The following PLEKHA8 variants were observed in gnomAD, a reference collection of about 807,000 sequenced individuals.
The protein encoded by PLEKHA8 is pleckstrin homology domain containing A8, also known as pleckstrin homology domain-containing family A member 8.
PLEKHA8 carries 36 observed loss-of-function variants against 68.2 expected under a neutral mutation model. That is an observed-to-expected ratio of 0.53 (90% CI 0.40 to 0.70). The LOEUF is 0.70. PLEKHA8 is among the 30% of genes least tolerant of loss of function. PLEKHA8 has a pLI of 0.00. For missense variants in PLEKHA8, 505 were observed against 615.4 expected, an observed-to-expected ratio of 0.82 and a Z score of 1.90; for synonymous variants, 211 against 216.1, an observed-to-expected ratio of 0.98 and a Z score of 0.20.
At chr7:30,103,798 A>C (rs1342120285) in intron 13 of PLEKHA8, among the ~76,000 whole-genome samples, 1 of 152,252 alleles carries the variant, frequency 6.6e-6, no homozygotes, top group Non-Finnish European at 1.5e-5. Context: ...TGTAAAAGTG[A>C]AAATTTCGGA....
chr7:30,104,641 A>G (rs1795991914), intron 13 of PLEKHA8, among the ~76,000 whole-genome samples: 1 of 148,922 alleles, frequency 6.7e-6, no homozygotes, highest in South Asian at 2.2e-4. Flanking sequence ...AAACTAATTT[A>G]TGGGACAAGA....
At chr7:30,039,398 C>T (rs1791350328) in intron 1 of PLEKHA8, among the ~76,000 whole-genome samples, 1 of 152,010 alleles carries the variant, frequency 6.6e-6, no homozygotes, top group African/African-American at 2.4e-5. Flanking sequence ...GCCTGTAATC[C>T]CCACTACTCA....
intron 13 of PLEKHA8, among the ~76,000 whole-genome samples, chr7:30,118,563 C>G (rs952404208): frequency 1.3e-5 from 2 of 151,826 alleles, no homozygotes; most frequent in African/African-American, 4.8e-5. Flanking sequence ...TCTGTCTTCT[C>G]TCTCTGAGGC....
In PLEKHA8 at chr7:30,064,108, T is replaced by C. The variant is rs576950494; in HGVS notation, c.1300+1366T>C. ...GTGGCTCTCTGGATTCTGCCACTTA[T>C]TAGTGCTCTGCCCTTAGGCAAGTTA... On this transcript the variant is annotated intron_variant, in intron 12 of 13. Coordinates refer to ENST00000449726, the MANE Select transcript of PLEKHA8 (RefSeq NM_001197026.2). 3.3e-5 allele frequency among the ~76,000 whole-genome samples: 5 copies of C among 152,388 alleles called. No individual in the cohort carries two copies. In the East Asian group the frequency reaches 5.8e-4, roughly 18 times the overall value.
rs2128000892 is a variant in PLEKHA8 at position 30,082,633 on chromosome 7, CT to C, written c.*3849del. On this transcript the variant is annotated 3_prime_UTR_variant, in exon 14 of 14. Coordinates refer to ENST00000449726, the MANE Select transcript of PLEKHA8 (RefSeq NM_001197026.2). ...ATTAACAAAAAGTTGATGCTTTTAACTTTATATTTTCAGAAAAGTGTTTTTA... is the reference window on the plus strand; with the variant it reads ...ATTAACAAAAAGTTGATGCTTTTAACTTATATTTTCAGAAAAGTGTTTTTA... 1.0e-6 allele frequency: 1 copy of C among 984,284 alleles called. No homozygotes were observed. Among genetic ancestry groups the C allele is most frequent in the Admixed American group, 6.1e-5 (1 of 16,272 alleles). 61.0% of individuals were successfully genotyped at this position (984,284 alleles called of 1,614,324 possible).
chr7:30,090,440 T>C lies in PLEKHA8; in HGVS notation c.*265T>C, dbSNP rs184246044. The C allele has an allele frequency of 2.1e-4, 76 of 362,720 alleles. 1 individual carries two copies. Among genetic ancestry groups the C allele is most frequent in the African/African-American group, 1.4e-3 (70 of 49,008 alleles). 22.5% of individuals were successfully genotyped at this position (362,720 alleles called of 1,614,324 possible). On this transcript the variant is annotated 3_prime_UTR_variant, in exon 13 of 13. Coordinates refer to the PLEKHA8 transcript ENST00000258679. ...CTCAGAACATAATACCTGAGTGCCTTCTTAAGGAAACCATTTGATAGGAAA... is the reference window on the plus strand; with the variant it reads ...CTCAGAACATAATACCTGAGTGCCTCCTTAAGGAAACCATTTGATAGGAAA...
In PLEKHA8 at chr7:30,082,567, A is replaced by G; in HGVS notation, c.*3780A>G. On this transcript the variant is annotated 3_prime_UTR_variant, in exon 14 of 14. Coordinates refer to ENST00000449726, the MANE Select transcript of PLEKHA8 (RefSeq NM_001197026.2). ...TTATTAGAGGAGTGCAGCGGAAAAA[A>G]ATTTGCACTCTTCTCCTTTTGGTTA... 1.0e-6 allele frequency: 1 copy of G among 985,344 alleles called. No homozygotes were observed. The highest frequency in any genetic ancestry group is 1.2e-6 in the Non-Finnish European group (1 of 829,882). The allele number at this position is 985,344 out of a possible 1,614,324, so 61.0% of individuals were successfully genotyped here. A position where few individuals can be genotyped will look rare whatever the true frequency, so the allele number is the denominator to read the frequency against.
chr7:30,084,754 C>T (rs887836365), downstream of PLEKHA8: 11 of 588,652 alleles, frequency 1.9e-5, no homozygotes, highest in Admixed American at 6.4e-5. Flanking sequence ...CAGTCTAAGC[C>T]GTTTACAAAT....
At chr7:30,129,543 A>C, downstream of PLEKHA8, 1 of 548,990 alleles carries the variant, frequency 1.8e-6, no homozygotes, top group South Asian at 2.4e-5. Context: ...TTCAACATGT[A>C]CACCTGATTT....
At position 30,049,393 on chromosome 7, in the gene PLEKHA8, A is replaced by G; in HGVS notation, c.597+11A>G. 3 of 1,610,768 alleles carry G rather than the reference A, an allele frequency of 1.9e-6. No individual in the cohort carries two copies. The highest frequency in any genetic ancestry group is 2.2e-5 in the East Asian group (1 of 44,784). ...CTCAAGTCCAGCAAGGTAAAAGTCC[A>G]GCTCAGTTTGGCTGCAACAAGGCAT... On this transcript the variant is annotated intron_variant, in intron 5 of 13. Coordinates refer to ENST00000449726, the MANE Select transcript of PLEKHA8 (RefSeq NM_001197026.2).
At chr7:30,073,989 A>T (rs1460551264) in intron 12 of PLEKHA8, 82 bp from the exon 13 acceptor site, 107 of 389,580 alleles carry the variant, frequency 2.7e-4, no homozygotes, top group East Asian at 4.5e-4. Context: ...CTGTCTCTTT[A>T]AAAAAAAAAA....
At chr7:30,055,988 G>A (rs1321987767) in intron 9 of PLEKHA8, among the ~76,000 whole-genome samples, 1 of 149,290 alleles carries the variant, frequency 6.7e-6, no homozygotes, top group Non-Finnish European at 1.5e-5. Context: ...TGTCACCCAG[G>A]CTGCAGTGCA....
intron 13 of PLEKHA8, among the ~76,000 whole-genome samples, chr7:30,107,448 GA>G (rs1200814959): frequency 6.6e-6 from 1 of 151,890 alleles, no homozygotes; most frequent in Non-Finnish European, 1.5e-5. Context: ...ACCTGTTTTG[GA>G]TTCAACAACC....
Position 30,054,809 on chromosome 7 carries a change from C to T in PLEKHA8, c.897C>T (p.Cys299=), listed in dbSNP as rs767075928. The change falls in exon 8 of 14, where the codon TGC becomes TGT. Residue 299 remains cysteine, a synonymous_variant. Transcript: ENST00000449726. ...CAGACTCAAGTTGCTCTCCGGAATG[C>T]CTCTGGGAGGAAGGCAAAGAAGTTA... is the stretch of plus-strand genomic sequence containing the variant. ...SGSDSSCSPE[C]LWEEGKEVIP... 6.2e-7 allele frequency: 1 copy of T among 1,612,184 alleles called. No homozygotes were observed. Among genetic ancestry groups the T allele is most frequent in the Non-Finnish European group, 8.5e-7 (1 of 1,178,856 alleles).
At chr7:30,060,762 A>G in intron 9 of PLEKHA8, 122 bp from the exon 10 acceptor site, 1 of 739,468 alleles carries the variant, frequency 1.4e-6, no homozygotes. Flanking sequence ...TGTTTAGATA[A>G]ATGATTTGGA....
chr7:30,100,176 T>A (rs986477580), intron 13 of PLEKHA8, among the ~76,000 whole-genome samples: 4 of 152,238 alleles, frequency 2.6e-5, no homozygotes, highest in Admixed American at 6.5e-5. Context: ...TAATTCAGTA[T>A]GACCCCATCT....
intron 1 of PLEKHA8, among the ~76,000 whole-genome samples, chr7:30,039,817 T>A (rs148208543): frequency 1.3e-5 from 2 of 152,134 alleles, no homozygotes; most frequent in South Asian, 2.1e-4. Context: ...TTTATTTCAC[T>A]TATTGACTAA....
At chr7:30,100,546 G>C (rs1795812557) in intron 13 of PLEKHA8, among the ~76,000 whole-genome samples, 1 of 151,882 alleles carries the variant, frequency 6.6e-6, no homozygotes, top group Admixed American at 6.6e-5. Context: ...GCGAGACTGT[G>C]TCTCAAAAAA....
At chr7:30,105,157 A>T (rs2128013834) in intron 13 of PLEKHA8, among the ~76,000 whole-genome samples, 1 of 152,128 alleles carries the variant, frequency 6.6e-6, no homozygotes, top group East Asian at 1.9e-4. Flanking sequence ...TATGTAAATT[A>T]TTTTAAAAGT....
Sources: allele counts gnomAD v4.1 joint callset (sites outside exome capture counted in the v4.1 genomes callset), GRCh38; gene constraint gnomAD v4.1.1; transcripts MANE v1.5; gene names NCBI Gene and HGNC (gene_info 2026-07-23, HGNC 2026-07-21).